The following UBR4 variants were observed in gnomAD, a reference collection of about 807,000 sequenced individuals.
The protein encoded by UBR4 is E3 ubiquitin-protein ligase UBR4.
Under a neutral mutation model 575.6 loss-of-function variants are expected in UBR4, and 124 were observed. The ratio of observed to expected loss-of-function variants is 0.22; its 90% CI spans 0.19 to 0.25. The LOEUF (loss-of-function observed/expected upper bound fraction) is 0.25, where lower values mean the gene tolerates loss of function less well. UBR4 is among the 10% of genes least tolerant of loss of function. UBR4 has a pLI of 1.00. For missense variants in UBR4, 4,818 were observed against 6,478.8 expected, an observed-to-expected ratio of 0.74 and a Z score of 8.80; for synonymous variants, 2,455 against 2,473.7, an observed-to-expected ratio of 0.99 and a Z score of 0.22.
intron 34 of UBR4, among the ~76,000 whole-genome samples, chr1:19,163,405 G>A (rs952990776): frequency 1.3e-5 from 2 of 152,210 alleles, no homozygotes; most frequent in African/African-American, 2.4e-5. Context: ...TAGAGCTGAG[G>A]AGGCTGTATT....
At position 19,119,815 on chromosome 1, in the gene UBR4, C is replaced by T. The variant is rs878955253; in HGVS notation, c.10311-114G>A. The T allele has an allele frequency of 2.5e-5, 34 of 1,383,306 alleles. No individual in the cohort carries two copies. In the Middle Eastern group the frequency reaches 7.9e-4, roughly 32 times the overall value. The allele number at this position is 1,383,306 out of a possible 1,614,324, so 85.7% of individuals were successfully genotyped here. A position where few individuals can be genotyped will look rare whatever the true frequency, so the allele number is the denominator to read the frequency against. On this transcript the variant is annotated intron_variant, in intron 69 of 105. Transcript: ENST00000375254. ...CCCACAATTATGGGTTAAGTTTGAA[C>T]GGTTTTGTTTCACTTTTGACAATCA...
At position 19,164,900 on chromosome 1, in the gene UBR4, G is replaced by T; in HGVS notation, c.4410C>A (p.Arg1470=). 1 of 1,614,206 alleles carries T rather than the reference G, an allele frequency of 6.2e-7. No homozygotes were observed. The highest frequency in any genetic ancestry group is 2.2e-5 in the East Asian group (1 of 44,876). The stretch of plus-strand genomic sequence containing the variant: ...AATCTTTTGGGGGCGATGTAGTCAT[G>T]CGGGTGAGCCAGGCCTGCAGGCGCA... The part of the protein sequence containing the change: ...EPVRLQAWLT[R]MTTSPPKDSD... The change falls in exon 32 of 106, where the codon CGC becomes CGA. Residue 1470 remains arginine, a synonymous_variant. Coordinates refer to ENST00000375254, the MANE Select transcript of UBR4 (RefSeq NM_020765.3).
intron 60 of UBR4, among the ~76,000 whole-genome samples, chr1:19,130,349 T>C (rs140757285): frequency 0.02 from 2,995 of 152,196 alleles, 39 homozygotes; most frequent in South Asian, 0.055. Flanking sequence ...CAGGGAAACA[T>C]AGCAAGACCT....
chr1:19,192,070 T>A, intron 11 of UBR4, 118 bp downstream of exon 11: 1 of 1,129,556 alleles, frequency 8.9e-7, no homozygotes, highest in Non-Finnish European at 1.2e-6. Context: ...AGTTGCTAAA[T>A]TCAAGCCAGG....
chr1:19,187,525 C>T lies in UBR4; in HGVS notation c.1410G>A (p.Gly470=). 1 of 1,613,576 alleles carries T rather than the reference C, an allele frequency of 6.2e-7. No homozygotes were observed. Among genetic ancestry groups the T allele is most frequent in the Non-Finnish European group, 8.5e-7 (1 of 1,179,942 alleles). Residue 470 remains glycine, a synonymous_variant, in exon 12 of 106, where the codon GGG becomes GGA. Transcript: ENST00000375254. Reference sequence around the variant, plus strand: ...GGTTTGCCAATATTACTGAGAGTACCCCAAATCCCTGATGCCTACACAAAG... The same window carrying T: ...GGTTTGCCAATATTACTGAGAGTACTCCAAATCCCTGATGCCTACACAAAG... ...LGPGKGHQGF[G]VLSVILANHA...
At position 19,113,987 on chromosome 1, in the gene UBR4, G is replaced by T. The variant is rs143864618; in HGVS notation, c.11286C>A (p.Asn3762Lys). Reference sequence around the variant, plus strand: ...CTGCCTCATTCACTTTGCAGAGCAGGTTCTCCAGCTGTGGCCGGTGTCCCA... The same window carrying T: ...CTGCCTCATTCACTTTGCAGAGCAGTTTCTCCAGCTGTGGCCGGTGTCCCA... ...QLMGHRPQLE[N>K]LLCKVNEAAP... Residue 3762 changes from asparagine to lysine, a missense_variant, in exon 76 of 106, where the codon AAC (asparagine) becomes AAA (lysine). Asn to Lys is a moderately conservative substitution (Grantham distance 94). Transcript: ENST00000375254. 12 of 1,614,214 alleles carry T rather than the reference G, an allele frequency of 7.4e-6. No individual in the cohort carries two copies. The highest frequency in any genetic ancestry group is 2.2e-5 in the South Asian group (2 of 91,084).
chr1:19,176,800 T>G, intron 19 of UBR4, 73 bp from the exon 20 acceptor site: 1 of 1,528,776 alleles, frequency 6.5e-7, no homozygotes, highest in South Asian at 1.2e-5. Context: ...GGCATGATAA[T>G]AGCTCGGTAC....
At position 19,112,273 on chromosome 1, in the gene UBR4, T is replaced by C. The variant is rs1208507770; in HGVS notation, c.11801+251A>G. On this transcript the variant is annotated intron_variant, in intron 78 of 105. Coordinates refer to ENST00000375254, the MANE Select transcript of UBR4 (RefSeq NM_020765.3). ...TTCCCTCACAAGGCCTCAGGGAGAG[T>C]TTCCTCAAGACACTGTACTGGAACC... The C allele has an allele frequency of 1.7e-5, 7 of 413,926 alleles. No homozygotes were observed. In the East Asian group the frequency reaches 2.7e-4, roughly 16 times the overall value. 25.6% of individuals were successfully genotyped at this position (413,926 alleles called of 1,614,324 possible).
intron 8 of UBR4, 144 bp from the exon 9 acceptor site, chr1:19,193,701 G>C (rs2092270119): frequency 8.6e-7 from 1 of 1,162,096 alleles, no homozygotes; most frequent in African/African-American, 1.6e-5. Context: ...GACTAAATAG[G>C]TTTACCATAC....
At chr1:19,158,992 A>G (rs898360863) in intron 39 of UBR4, among the ~76,000 whole-genome samples, 2 of 151,980 alleles carry the variant, frequency 1.3e-5, no homozygotes, top group Non-Finnish European at 2.9e-5. Context: ...AAATACAAAA[A>G]TTAGCCAGGC....
At position 19,165,108 on chromosome 1, in the gene UBR4, A is replaced by G. The variant is rs1386990832; in HGVS notation, c.4313-111T>C. On this transcript the variant is annotated intron_variant, in intron 31 of 105. Coordinates refer to ENST00000375254, the MANE Select transcript of UBR4 (RefSeq NM_020765.3). ...GAAATGGCTTCAAAGCAAGTTTTCA[A>G]CTTCCTTCCAAACTTTCTCTGAGGG... The G allele has an allele frequency of 4.6e-6, 7 of 1,518,402 alleles. No homozygotes were observed. The Admixed American group carries it at 1.1e-4, about 24-fold the overall frequency. 94.1% of individuals were successfully genotyped at this position (1,518,402 alleles called of 1,614,324 possible). A position where few individuals can be genotyped will look rare whatever the true frequency, so the allele number is the denominator to read the frequency against.
Position 19,076,891 on chromosome 1 carries a change from G to C in UBR4, c.15336C>G (p.Thr5112=), listed in dbSNP as rs542282679. The stretch of plus-strand genomic sequence containing the variant: ...AGGACCAGCCTCCCTCTGTGTTACT[G>C]GTAGGCACCTTCTACGAGAATCAAC... The part of the protein sequence containing the change: ...LIYNMFKKVP[T]SNTEGGWSCS... The change falls in exon 105 of 106, where the codon ACC becomes ACG. Residue 5112 remains threonine (T), a synonymous_variant. Transcript: ENST00000375254. The C allele has an allele frequency of 9.0e-6, 14 of 1,562,874 alleles. No homozygotes were observed. In the African/African-American group the frequency reaches 1.1e-4, roughly 12 times the overall value.
At position 19,157,765 on chromosome 1, in the gene UBR4, A is replaced by G. The variant is rs749922152; in HGVS notation, c.5760+50T>C. On this transcript the variant is annotated intron_variant, in intron 40 of 105. Transcript: ENST00000375254. The surrounding 1 kb of genome is among the most constrained non-coding windows in gnomAD (Gnocchi z 4.4). ...TGGTCATCAATTTGTTTTGCTTAGC[A>G]TTTAAGACAATATGACCTAAAGTAA... 1 of 1,590,990 alleles carries G rather than the reference A, an allele frequency of 6.3e-7. No individual in the cohort carries two copies. The highest frequency in any genetic ancestry group is 8.6e-7 in the Non-Finnish European group (1 of 1,165,222).
chr1:19,192,112 T>G, intron 11 of UBR4, 76 bp downstream of exon 11: 2 of 1,517,728 alleles, frequency 1.3e-6, no homozygotes, highest in South Asian at 2.6e-5. Context: ...TGATATGAAG[T>G]CATACTAGCT....
chr1:19,123,394 T>A lies in UBR4; in HGVS notation c.9589-334A>T, dbSNP rs1570760319. On this transcript the variant is annotated intron_variant, in intron 65 of 105. Coordinates refer to ENST00000375254, the MANE Select transcript of UBR4 (RefSeq NM_020765.3). ...TGAACCCAGAGGGCGGAGGTTGCAGTGAGCAGAGATCGTGTCACTGCACTC... is the reference window on the plus strand; with the variant it reads ...TGAACCCAGAGGGCGGAGGTTGCAGAGAGCAGAGATCGTGTCACTGCACTC... 3.4e-5 allele frequency among the ~76,000 whole-genome samples: 5 copies of A among 147,592 alleles called. 1 individual carries two copies. In the Admixed American group the frequency reaches 3.4e-4, roughly 10 times the overall value.
At chr1:19,209,638 GC>G (rs1171801898) in intron 1 of UBR4, among the ~76,000 whole-genome samples, 1 of 152,190 alleles carries the variant, frequency 6.6e-6, no homozygotes, top group African/African-American at 2.4e-5. Context: ...AATAGCACGT[GC>G]CCCCACTGAT....
At chr1:19,165,172 A>G in intron 31 of UBR4, 77 bp downstream of exon 31, 1 of 1,496,968 alleles carries the variant, frequency 6.7e-7, no homozygotes, top group Admixed American at 1.7e-5. Context: ...CTGTAGTTAA[A>G]CTCAGGCAGA....
rs1195083190 is a variant in UBR4, at chr1:19,161,167, G to A, written c.5176-20C>T. ...CAGAGCCTAGGGACAGAAAATGTCA[G>A]AGTCCCTAAGTTCTTGCCTCAAGCA... On this transcript the variant is annotated intron_variant, in intron 37 of 105. Coordinates refer to ENST00000375254, the MANE Select transcript of UBR4 (RefSeq NM_020765.3). 6.2e-7 allele frequency: 1 copy of A among 1,608,074 alleles called. No homozygotes were observed. The highest frequency in any genetic ancestry group is 1.7e-5 in the Admixed American group (1 of 59,556).
chr1:19,114,101 G>T, intron 75 of UBR4, 31 bp from the exon 76 acceptor site: 1 of 1,596,868 alleles, frequency 6.3e-7, no homozygotes, highest in Non-Finnish European at 8.6e-7. Context: ...ACTGAGTGAA[G>T]GCTTTTTGGC....
Sources: gnomAD v4.1 joint callset for allele counts (sites outside exome capture counted in the v4.1 genomes callset) on GRCh38, gnomAD v4.1.1 for gene constraint, Gnocchi (gnomAD v3.1) non-coding constraint, MANE v1.5 for transcripts, NCBI Gene and HGNC (gene_info 2026-07-23, HGNC 2026-07-21) for gene names.